Variants in CC2D2B observed in about 807,000 individuals in gnomAD.
CC2D2B encodes the protein coiled-coil and C2 domain containing 2B, also known as protein CC2D2B.
Under a neutral mutation model 161.2 loss-of-function variants are expected in CC2D2B, and 128 were observed. The ratio of observed to expected loss-of-function variants is 0.79; its 90% CI spans 0.69 to 0.92. CC2D2B has a LOEUF of 0.92. CC2D2B is among the 40% of genes least tolerant of loss of function. The probability of loss-of-function intolerance (pLI) is 0.00; values close to 1 mark genes in which losing one functional copy is unlikely to be tolerated. For missense variants in CC2D2B, 1,173 were observed against 1,375.1 expected (o/e 0.85, Z 2.32); for synonymous variants, 391 against 449.8 (o/e 0.87, Z 1.65).
chr10:95,913,543 C>G (rs1314133299), intron 2 of CC2D2B: 1 of 249,352 alleles, frequency 4.0e-6, no homozygotes, highest in South Asian at 4.2e-5. Context: ...GAACCCCATA[C>G]TGTTCTCCGT....
chr10:96,000,105 A>G, intron 24 of CC2D2B: 1 of 1,494,018 alleles, frequency 6.7e-7, no homozygotes. Context: ...CTTTTTAAAC[A>G]ATATCCATTC....
chr10:95,940,856 T>C (rs186558503), intron 9 of CC2D2B, among the ~76,000 whole-genome samples: 65 of 152,102 alleles, frequency 4.3e-4, no homozygotes, highest in African/African-American at 1.2e-3. Context: ...GACATTTTTT[T>C]ACAGAAATGG....
chr10:95,935,855 T>C (rs2075802336), intron 6 of CC2D2B, among the ~76,000 whole-genome samples: 1 of 152,222 alleles, frequency 6.6e-6, no homozygotes. Flanking sequence ...CCTCTTACCC[T>C]GCTTTATTTT....
intron 22 of CC2D2B, among the ~76,000 whole-genome samples, chr10:95,994,272 C>T (rs190951227): frequency 2.5e-4 from 38 of 151,962 alleles, no homozygotes; most frequent in Non-Finnish European, 4.6e-4. Flanking sequence ...GGGGGCCCTT[C>T]CCTTTTAGGT....
At chr10:95,997,892 T>C (rs1004763736) in intron 24 of CC2D2B, among the ~76,000 whole-genome samples, 4 of 152,222 alleles carry the variant, frequency 2.6e-5, no homozygotes, top group Middle Eastern at 3.2e-3. Flanking sequence ...TCAACTTTAC[T>C]GGACAATGCA....
intron 2 of CC2D2B, among the ~76,000 whole-genome samples, chr10:95,917,011 C>T (rs1446881472): frequency 1.3e-5 from 2 of 152,094 alleles, no homozygotes; most frequent in Non-Finnish European, 2.9e-5. Context: ...ACTATTGCTG[C>T]ATTGGTTGTC....
chr10:95,985,585 C>T (rs2077685881), intron 19 of CC2D2B, among the ~76,000 whole-genome samples: 6 of 152,028 alleles, frequency 3.9e-5, no homozygotes, highest in Admixed American at 3.9e-4. Context: ...GCCCTAGGAC[C>T]CTGTGATGAT....
In CC2D2B at chr10:95,995,142, A is replaced by G. The variant is rs1009450096; in HGVS notation, c.2643-127A>G. ...CACACATGATAAGACAATTCAAGGC[A>G]AACTCAGTAAGAACCAGAGAAACTG... On this transcript the variant is annotated intron_variant, in intron 22 of 34. Coordinates refer to ENST00000646931, the MANE Select transcript of CC2D2B (RefSeq NM_001349008.3). 3.5e-4 allele frequency: 175 copies of G among 504,268 alleles called. 1 individual carries two copies. In the East Asian group the frequency reaches 5.5e-3, roughly 16 times the overall value. The allele number at this position is 504,268 out of a possible 1,614,324, so 31.2% of individuals were successfully genotyped here. A position where few individuals can be genotyped will look rare whatever the true frequency, so the allele number is the denominator to read the frequency against.
chr10:96,031,858 A>G lies in CC2D2B; in HGVS notation c.4164A>G (p.Val1388=), dbSNP rs1462835452. ...CCATCCAGATGCCATACATTGATGT[A>G]CAGTCAATTATTGATGCTGTTTATC... The part of the protein sequence containing the change: ...GFPIQMPYID[V]QSIIDAVYQT... Residue 1388 remains valine, a synonymous_variant, in exon 35 of 35, where the codon GTA becomes GTG. Transcript: ENST00000646931. The G allele has an allele frequency of 1.9e-6, 3 of 1,613,772 alleles. No homozygotes were observed. Among genetic ancestry groups the G allele is most frequent in the East Asian group, 2.2e-5 (1 of 44,866 alleles).
chr10:95,945,597 C>G (rs2076168609), intron 9 of CC2D2B, among the ~76,000 whole-genome samples: 4 of 152,022 alleles, frequency 2.6e-5, no homozygotes, highest in Admixed American at 1.3e-4. Context: ...TGTCAACCAG[C>G]TTGGATGTTT....
intron 2 of CC2D2B, among the ~76,000 whole-genome samples, chr10:95,915,730 C>G (rs550069735): frequency 6.6e-6 from 1 of 152,182 alleles, no homozygotes; most frequent in South Asian, 2.1e-4. Context: ...GTTGAACCAC[C>G]CTTGTATCCC....
At chr10:96,025,168 T>TATAAAAAAAAAAAA (rs2079658721) in intron 33 of CC2D2B, among the ~76,000 whole-genome samples, 9 of 12,514 alleles carry the variant, frequency 7.2e-4, no homozygotes, top group African/African-American at 2.4e-3. Context: ...TATATATATA[T>TATAAAAAAAAAAAA]ATATATATAT....
intron 5 of CC2D2B, 129 bp from the exon 6 acceptor site, chr10:95,927,108 T>C (rs1251352409): frequency 9.3e-6 from 5 of 540,350 alleles, no homozygotes; most frequent in Non-Finnish European, 1.6e-5. Flanking sequence ...TACCTTGATA[T>C]TGTTTGCCTT....
chr10:96,025,166 T>TATATAAAAAAAAAAAAAA (rs1564683697), intron 33 of CC2D2B, among the ~76,000 whole-genome samples: 1 of 9,972 alleles, frequency 1.0e-4, no homozygotes, highest in African/African-American at 5.6e-4. Flanking sequence ...TATATATATA[T>TATATAAAAAAAAAAAAAA]ATATATATAT....
chr10:96,022,313 C>T (rs1046612191), intron 32 of CC2D2B, among the ~76,000 whole-genome samples: 1 of 151,342 alleles, frequency 6.6e-6, no homozygotes, highest in Admixed American at 6.6e-5. Flanking sequence ...CAGAATGAGA[C>T]TCTGTCAAAG....
intron 34 of CC2D2B, among the ~76,000 whole-genome samples, chr10:96,029,119 A>G (rs936808736): frequency 2.0e-5 from 3 of 151,380 alleles, no homozygotes; most frequent in South Asian, 2.1e-4. Context: ...CTAAAAGTGT[A>G]TAATTGAATT....
chr10:96,025,193 AT>A (rs60759936), intron 33 of CC2D2B, among the ~76,000 whole-genome samples: 3,678 of 54,666 alleles, frequency 0.067, 278 homozygotes, highest in East Asian at 0.15. Context: ...ATAAAAAAAA[AT>A]ATATATATAT....
In CC2D2B at chr10:96,016,286, TG is replaced by T. The variant is rs1564674078; in HGVS notation, c.3604del (p.Val1202SerfsTer8). On this transcript the variant is annotated frameshift_variant, in exon 30 of 35. Transcript: ENST00000646931. LOFTEE classifies it high-confidence loss of function. Reference sequence around the variant, plus strand: ...TTTCTGTATTTTGGAAAGAAGGCACTGGTCCTCTTGGGAACGTCAGTGTTAG... The same window carrying T: ...TTTCTGTATTTTGGAAAGAAGGCACTGTCCTCTTGGGAACGTCAGTGTTAG... ...NFFLYFGKKA[L>X]VLLGTSVLEG... The T allele has an allele frequency of 1.9e-6, 3 of 1,611,190 alleles. No individual in the cohort carries two copies. In the South Asian group the frequency reaches 3.3e-5, roughly 18 times the overall value.
intron 17 of CC2D2B, among the ~76,000 whole-genome samples, chr10:95,979,633 C>A (rs1410722627): frequency 1.3e-5 from 2 of 152,172 alleles, no homozygotes; most frequent in Non-Finnish European, 2.9e-5. Flanking sequence ...CACCACTCTG[C>A]CTTTCTTTTC....
Sources: allele counts gnomAD v4.1 joint callset (sites outside exome capture counted in the v4.1 genomes callset), GRCh38; gene constraint gnomAD v4.1.1; transcripts MANE v1.5; gene names NCBI Gene and HGNC (gene_info 2026-07-23, HGNC 2026-07-21).